Variants in CDC42BPA observed in about 807,000 individuals in gnomAD.
The protein encoded by CDC42BPA is CDC42 binding protein kinase alpha, also known as serine/threonine-protein kinase MRCK alpha.
A neutral mutation model predicts 223.5 loss-of-function variants in CDC42BPA; 80 were observed. The ratio of observed to expected loss-of-function variants is 0.36; its 90% CI spans 0.30 to 0.43. The LOEUF (loss-of-function observed/expected upper bound fraction) is 0.43. Ranked by LOEUF, CDC42BPA falls within the 20% of genes least tolerant of loss-of-function variation. The pLI is 1.00. For missense variants in CDC42BPA, 1,743 were observed against 2,099.9 expected (o/e 0.83, Z 3.32); for synonymous variants, 694 against 718.6 (o/e 0.97, Z 0.55).
chr1:227,130,613 G>C (rs1656884220), intron 10 of CDC42BPA, among the ~76,000 whole-genome samples: 1 of 152,098 alleles, frequency 6.6e-6, no homozygotes, highest in Non-Finnish European at 1.5e-5. Flanking sequence ...CCAGCGCTTT[G>C]GGAGGCCAAG....
chr1:227,213,275 C>A, intron 2 of CDC42BPA, 56 bp from the exon 3 acceptor site: 5 of 922,978 alleles, frequency 5.4e-6, no homozygotes, highest in Non-Finnish European at 8.3e-6. Context: ...ATTTTTTCAG[C>A]CATCCATTTT....
At chr1:227,014,784 T>A (rs975529697) in intron 34 of CDC42BPA, among the ~76,000 whole-genome samples, 2 of 152,144 alleles carry the variant, frequency 1.3e-5, no homozygotes, top group Non-Finnish European at 2.9e-5. Flanking sequence ...CTGCGCAAAA[T>A]TTAGCAGCTA....
chr1:227,258,027 C>T (rs1683391752), intron 1 of CDC42BPA, among the ~76,000 whole-genome samples: 1 of 150,116 alleles, frequency 6.7e-6, no homozygotes, highest in Non-Finnish European at 1.5e-5. Flanking sequence ...ATATAAAAAT[C>T]GGCCAGACAC....
chr1:227,103,136 T>C (rs1053132664), intron 14 of CDC42BPA, among the ~76,000 whole-genome samples: 15 of 152,188 alleles, frequency 9.9e-5, no homozygotes, highest in East Asian at 3.9e-4. Flanking sequence ...ACATATAAAA[T>C]TGTCTCTCTG....
chr1:227,242,015 C>G (rs181999291), intron 2 of CDC42BPA, among the ~76,000 whole-genome samples: 2 of 152,132 alleles, frequency 1.3e-5, no homozygotes, highest in African/African-American at 4.8e-5. Flanking sequence ...TAGACAAAGG[C>G]CAATCTGTCT....
At chr1:227,296,961 G>C (rs1387923996) in intron 1 of CDC42BPA, among the ~76,000 whole-genome samples, 1 of 152,058 alleles carries the variant, frequency 6.6e-6, no homozygotes, top group Non-Finnish European at 1.5e-5. Flanking sequence ...AATGTATGAA[G>C]AACTCTAACA....
At chr1:227,103,350 T>A (rs1685368781) in intron 14 of CDC42BPA, among the ~76,000 whole-genome samples, 1 of 152,000 alleles carries the variant, frequency 6.6e-6, no homozygotes, top group East Asian at 1.9e-4. Context: ...TAACAAAAAT[T>A]TCATTGTTAA....
At chr1:227,089,662 T>G (rs934175334) in intron 16 of CDC42BPA, among the ~76,000 whole-genome samples, 3 of 133,888 alleles carry the variant, frequency 2.2e-5, no homozygotes, top group Non-Finnish European at 4.7e-5. Context: ...AAAAACAAAC[T>G]ATCCTTCAGG....
chr1:227,245,708 T>C (rs1680823423), intron 2 of CDC42BPA, among the ~76,000 whole-genome samples: 2 of 152,146 alleles, frequency 1.3e-5, no homozygotes, highest in Admixed American at 1.3e-4. Flanking sequence ...AGACACACTC[T>C]GGGCCAAAAG....
chr1:226,998,082 T>C (rs991184348), intron 35 of CDC42BPA, among the ~76,000 whole-genome samples: 8 of 152,178 alleles, frequency 5.3e-5, no homozygotes, highest in African/African-American at 1.7e-4. Flanking sequence ...GAATCCAACT[T>C]ACAAGGGATG....
intron 5 of CDC42BPA, among the ~76,000 whole-genome samples, chr1:227,182,029 T>G (rs1668027875): frequency 6.6e-6 from 1 of 152,160 alleles, no homozygotes; most frequent in South Asian, 2.1e-4. Flanking sequence ...GGAAAATGAT[T>G]ACTTTTATTT....
intron 14 of CDC42BPA, among the ~76,000 whole-genome samples, chr1:227,111,172 G>T (rs1436392683): frequency 6.6e-6 from 1 of 152,178 alleles, no homozygotes; most frequent in Non-Finnish European, 1.5e-5. Context: ...ACATGTTATG[G>T]ATAATTAGAC....
chr1:227,027,986 G>A (rs1186587261), intron 30 of CDC42BPA, among the ~76,000 whole-genome samples: 1 of 151,956 alleles, frequency 6.6e-6, no homozygotes, highest in Non-Finnish European at 1.5e-5. Context: ...TGGGTGTGGT[G>A]GTGTGCACCT....
At chr1:227,121,630 C>T (rs935760454) in intron 11 of CDC42BPA, among the ~76,000 whole-genome samples, 2 of 152,052 alleles carry the variant, frequency 1.3e-5, no homozygotes, top group Non-Finnish European at 2.9e-5. Flanking sequence ...GGTGTTTAAT[C>T]TTAATCATGG....
chr1:227,185,401 A>G (rs998329181), intron 5 of CDC42BPA, among the ~76,000 whole-genome samples: 1 of 152,028 alleles, frequency 6.6e-6, no homozygotes, highest in Non-Finnish European at 1.5e-5. Flanking sequence ...CCTTGCCCCC[A>G]CATGTGCCTG....
intron 35 of CDC42BPA, 47 bp from the exon 36 acceptor site, chr1:226,995,027 A>G (rs751276898): frequency 6.4e-7 from 1 of 1,552,086 alleles, no homozygotes; most frequent in Non-Finnish European, 8.8e-7. Context: ...AGAGGGGACA[A>G]TACTCTAGAA....
chr1:226,997,017 G>A (rs767454124), intron 35 of CDC42BPA, among the ~76,000 whole-genome samples: 139 of 152,208 alleles, frequency 9.1e-4, no homozygotes, highest in Non-Finnish European at 7.1e-4. Context: ...GTTTGGAATA[G>A]TTTCAGAAGG....
intron 10 of CDC42BPA, among the ~76,000 whole-genome samples, chr1:227,131,218 A>G (rs1484769396): frequency 6.6e-6 from 1 of 152,130 alleles, no homozygotes; most frequent in Non-Finnish European, 1.5e-5. Flanking sequence ...GCTTGTTTTT[A>G]CCCGACATCT....
chr1:227,314,534 T>C (rs1162692316), intron 1 of CDC42BPA, among the ~76,000 whole-genome samples: 1 of 151,954 alleles, frequency 6.6e-6, no homozygotes, highest in Non-Finnish European at 1.5e-5. Context: ...TGTACCAATA[T>C]AAAAATAAAA....
Sources: allele counts gnomAD v4.1 joint callset (sites outside exome capture counted in the v4.1 genomes callset), GRCh38; gene constraint gnomAD v4.1.1; transcripts MANE v1.5; gene names NCBI Gene and HGNC (gene_info 2026-07-23, HGNC 2026-07-21).